Variants in SNAP23 observed in about 807,000 individuals in gnomAD.
The protein encoded by SNAP23 is synaptosomal-associated protein 23.
A neutral mutation model predicts 29.0 loss-of-function variants in SNAP23; 11 were observed. The observed-to-expected ratio is 0.38, with a 90% CI of 0.24 to 0.63. The LOEUF is 0.63. SNAP23 is among the 20% of genes least tolerant of loss of function. The pLI is 0.58. For synonymous variants in SNAP23, 60 were observed against 82.9 expected (o/e 0.72, Z 1.50); for missense variants, 220 against 253.9 (o/e 0.87, Z 0.91).
chr15:42,499,693 C>T (rs986828337), intron 1 of SNAP23, among the ~76,000 whole-genome samples: 1 of 152,110 alleles, frequency 6.6e-6, no homozygotes, highest in African/African-American at 2.4e-5. Flanking sequence ...AAATCATATT[C>T]TTGCTCAGCA....
intron 5 of SNAP23, among the ~76,000 whole-genome samples, chr15:42,527,639 G>C (rs1193596526): frequency 6.6e-6 from 1 of 151,914 alleles, no homozygotes; most frequent in Admixed American, 6.5e-5. Flanking sequence ...GGAGGCCGAG[G>C]TGGATGGATC....
At chr15:42,529,344 A>G (rs1326269827) in intron 6 of SNAP23, among the ~76,000 whole-genome samples, 2 of 152,180 alleles carry the variant, frequency 1.3e-5, no homozygotes, top group East Asian at 3.9e-4. Flanking sequence ...TCTGGGATGC[A>G]CTTACAGTTT....
chr15:42,497,043 C>CTTTT, intron 1 of SNAP23, among the ~76,000 whole-genome samples: 1 of 141,206 alleles, frequency 7.1e-6, no homozygotes, highest in African/African-American at 2.6e-5. Context: ...TTCTTTCTTT[C>CTTTT]TTTTTTTTTT....
intron 1 of SNAP23, among the ~76,000 whole-genome samples, chr15:42,503,313 T>G (rs1356062378): frequency 6.6e-6 from 1 of 151,976 alleles, no homozygotes; most frequent in African/African-American, 2.4e-5. Flanking sequence ...GTGATTCTCC[T>G]GCCTTAGCCT....
At position 42,531,959 on chromosome 15, in the gene SNAP23, G is replaced by GT. The variant is rs1305240109; in HGVS notation, c.*486dup. 6.6e-6 allele frequency: 1 copy of GT among 152,408 alleles called. No homozygotes were observed. The highest frequency in any genetic ancestry group is 1.5e-5 in the Non-Finnish European group (1 of 68,168). 9.4% of individuals were successfully genotyped at this position (152,408 alleles called of 1,614,324 possible). A position where few individuals can be genotyped will look rare whatever the true frequency, so the allele number is the denominator to read the frequency against. ...CACAACGAAGATCTAGTTGGATATA[G>GT]TTTTTGATTTAAGTTGCAGTTATAG... On this transcript the variant is annotated 3_prime_UTR_variant, in exon 8 of 8. Transcript: ENST00000249647.
At chr15:42,498,495 A>C (rs1189893276) in intron 1 of SNAP23, among the ~76,000 whole-genome samples, 10 of 152,334 alleles carry the variant, frequency 6.6e-5, no homozygotes, top group African/African-American at 2.4e-4. Context: ...GAGCTGGAGC[A>C]GCTGGGACTC....
Position 42,510,940 on chromosome 15 carries a change from A to T in SNAP23, c.-14-893A>T, listed in dbSNP as rs2617233. On this transcript the variant is annotated intron_variant, in intron 1 of 7. Transcript: ENST00000249647. ...GACATTGCCAGATTCCTGGGGTCAA[A>T]TCTGTAATAAGAACCAGAGTTTATC... 2.4e-4 allele frequency among the ~76,000 whole-genome samples: 36 copies of T among 152,218 alleles called. 2 individuals are homozygous for T. In the East Asian group the frequency reaches 3.9e-3, roughly 16 times the overall value.
At chr15:42,529,481 T>A (rs912072137) in intron 6 of SNAP23, among the ~76,000 whole-genome samples, 194 bp from the exon 7 acceptor site, 1 of 152,214 alleles carries the variant, frequency 6.6e-6, no homozygotes, top group African/African-American at 2.4e-5. Flanking sequence ...CTTACATGGC[T>A]TTAAGATACT....
chr15:42,528,138 CTTAG>C, intron 5 of SNAP23, 120 bp from the exon 6 acceptor site: 1 of 576,104 alleles, frequency 1.7e-6, no homozygotes, highest in Non-Finnish European at 2.9e-6. Context: ...ATCATCTAGA[CTTAG>C]CTGTATGCAG....
chr15:42,523,231 G>A (rs2057465792), intron 5 of SNAP23, among the ~76,000 whole-genome samples: 1 of 151,166 alleles, frequency 6.6e-6, no homozygotes, highest in African/African-American at 2.4e-5. Flanking sequence ...AGAACTAACA[G>A]TCAGTTGTAA....
intron 1 of SNAP23, among the ~76,000 whole-genome samples, chr15:42,508,818 G>A (rs542033990): frequency 6.6e-6 from 1 of 152,262 alleles, no homozygotes; most frequent in Non-Finnish European, 1.5e-5. Flanking sequence ...TACATAATTT[G>A]TGATATTTGG....
chr15:42,492,933 C>G (rs1242622728), upstream of SNAP23: 1 of 152,210 alleles, frequency 6.6e-6, no homozygotes, highest in Non-Finnish European at 1.5e-5. Context: ...TAGAAGACCA[C>G]AGTCAGATAT....
chr15:42,515,229 A>T lies in SNAP23; in HGVS notation c.149-8A>T. On this transcript the variant is annotated splice_region_variant and splice_polypyrimidine_tract_variant and intron_variant, in intron 4 of 7. Transcript: ENST00000249647. ...ACACAAAGTGTTAACTTCACAACTT[A>T]TTCTTAGAACAACTAAACCGCATAG... 1 of 1,552,652 alleles carries T rather than the reference A, an allele frequency of 6.4e-7. No individual in the cohort carries two copies. The highest frequency in any genetic ancestry group is 8.8e-7 in the Non-Finnish European group (1 of 1,138,850).
chr15:42,532,589 T>C lies in SNAP23; in HGVS notation c.*1111T>C, dbSNP rs2057577247. 6.6e-6 allele frequency: 1 copy of C among 152,670 alleles called. No individual in the cohort carries two copies. The highest frequency in any genetic ancestry group is 2.4e-5 in the African/African-American group (1 of 41,472). 9.5% of individuals were successfully genotyped at this position (152,670 alleles called of 1,614,324 possible). A position where few individuals can be genotyped will look rare whatever the true frequency, so the allele number is the denominator to read the frequency against. ...CATTAGTCTTTGAAGAAAAAATATGTAAATATATATGTGTAACATGAGAAT... is the reference window on the plus strand; with the variant it reads ...CATTAGTCTTTGAAGAAAAAATATGCAAATATATATGTGTAACATGAGAAT... On this transcript the variant is annotated 3_prime_UTR_variant, in exon 8 of 8. Coordinates refer to ENST00000249647, the MANE Select transcript of SNAP23 (RefSeq NM_003825.4).
intron 5 of SNAP23, among the ~76,000 whole-genome samples, chr15:42,520,273 A>T (rs1174726491): frequency 1.3e-5 from 2 of 149,648 alleles, no homozygotes; most frequent in East Asian, 4.0e-4. Flanking sequence ...CTGGTCTCGA[A>T]CTCCTGACCA....
chr15:42,512,913 T>C (rs775815052), intron 2 of SNAP23, 42 bp from the exon 3 acceptor site: 31 of 1,505,232 alleles, frequency 2.1e-5, no homozygotes, highest in Middle Eastern at 1.7e-4. Flanking sequence ...GATTTTTTTT[T>C]CTACATATTT....
chr15:42,523,391 T>C (rs1209925912), intron 5 of SNAP23, among the ~76,000 whole-genome samples: 1 of 152,238 alleles, frequency 6.6e-6, no homozygotes, highest in African/African-American at 2.4e-5. Context: ...TCTTTCTTAC[T>C]GTAGACTAAA....
Position 42,528,382 on chromosome 15 carries a change from A to G in SNAP23, c.387A>G (p.Gln129=), listed in dbSNP as rs760440034. ...CGGTGACAAATGGTCAGCTTCAGCA[A>G]CCAACAACGGGAGCAGCCAGTGGTG... is the stretch of plus-strand genomic sequence containing the variant. ...PGPVTNGQLQ[Q]PTTGAASGGY... Residue 129 remains glutamine, a synonymous_variant, in exon 6 of 8, where the codon CAA becomes CAG. Transcript: ENST00000249647. 5 of 1,614,196 alleles carry G rather than the reference A, an allele frequency of 3.1e-6. No individual in the cohort carries two copies. The Admixed American group carries it at 5.0e-5, about 16-fold the overall frequency.
In SNAP23 at chr15:42,513,410, A is replaced by G; in HGVS notation, c.111A>G (p.Ala37=). 6.2e-7 allele frequency: 1 copy of G among 1,613,846 alleles called. No individual in the cohort carries two copies. Among genetic ancestry groups the G allele is most frequent in the South Asian group, 1.1e-5 (1 of 91,084 alleles). Residue 37 remains alanine, a synonymous_variant, in exon 4 of 8, where the codon GCA becomes GCG. Transcript: ENST00000249647. ...ILGLAIESQD[A]GIKTITMLDE... ...CCCCCTTGTCTTAGTCTCAGGATGC[A>G]GGAATCAAGACCATCACTATGCTGG...
Sources: allele counts gnomAD v4.1 joint callset (sites outside exome capture counted in the v4.1 genomes callset), GRCh38; gene constraint gnomAD v4.1.1; transcripts MANE v1.5; gene names NCBI Gene and HGNC (gene_info 2026-07-23, HGNC 2026-07-21).